NLGN1: variants seen among roughly 807,000 people sequenced by gnomAD.
NLGN1 encodes the protein neuroligin 1, also known as neuroligin-1.
NLGN1 carries 12 observed loss-of-function variants against 65.5 expected under a neutral mutation model. That is an observed-to-expected ratio of 0.18 (90% CI 0.12 to 0.30). The LOEUF (loss-of-function observed/expected upper bound fraction) is 0.30, where lower values mean the gene tolerates loss of function less well. Ranked by LOEUF, NLGN1 falls within the 10% of genes least tolerant of loss-of-function variation. The pLI is 1.00. For missense variants in NLGN1, 750 were observed against 1,007.1 expected (o/e 0.74, Z 3.46); for synonymous variants, 350 against 359.5 (o/e 0.97, Z 0.30).
intron 4 of NLGN1, among the ~76,000 whole-genome samples, chr3:174,060,257 G>A (rs1737102804): frequency 6.6e-6 from 1 of 152,052 alleles, no homozygotes; most frequent in Non-Finnish European, 1.5e-5. Context: ...TTCCCACTAA[G>A]CCTGAACAGA....
chr3:173,867,708 A>C (rs565344292), intron 4 of NLGN1, among the ~76,000 whole-genome samples: 5 of 152,142 alleles, frequency 3.3e-5, no homozygotes, highest in Non-Finnish European at 7.4e-5. Flanking sequence ...TGAAGGGTAC[A>C]TTCCAATTAC....
chr3:173,499,977 T>C (rs1261191859), intron 2 of NLGN1, among the ~76,000 whole-genome samples: 1 of 152,008 alleles, frequency 6.6e-6, no homozygotes, highest in Non-Finnish European at 1.5e-5. Flanking sequence ...TTTCTAGATA[T>C]ACAATCATGT....
At chr3:173,780,268 G>A (rs1043167645) in intron 3 of NLGN1, among the ~76,000 whole-genome samples, 1 of 152,136 alleles carries the variant, frequency 6.6e-6, no homozygotes, top group Non-Finnish European at 1.5e-5. Context: ...TGATGCATAT[G>A]TTTCTCTCTG....
chr3:173,639,867 T>G (rs1757133188), intron 3 of NLGN1, among the ~76,000 whole-genome samples: 1 of 152,130 alleles, frequency 6.6e-6, no homozygotes, highest in Non-Finnish European at 1.5e-5. Flanking sequence ...CTTCCTTCCT[T>G]TCTTTCTTCT....
chr3:173,396,377 T>C (rs583514), upstream of NLGN1: 84,540 of 152,032 alleles, frequency 0.56, 23,666 homozygotes, highest in East Asian at 0.61. Flanking sequence ...TCCCCTCCCG[T>C]TTACAGAAGC....
intron 4 of NLGN1, among the ~76,000 whole-genome samples, chr3:174,075,054 A>G (rs927781221): frequency 6.6e-6 from 1 of 152,158 alleles, no homozygotes; most frequent in African/African-American, 2.4e-5. Context: ...AACAAGCCAA[A>G]CATCTCTTGG....
intron 2 of NLGN1, among the ~76,000 whole-genome samples, chr3:173,595,334 C>T (rs1001560334): frequency 1.3e-5 from 2 of 152,108 alleles, no homozygotes; most frequent in Non-Finnish European, 2.9e-5. Flanking sequence ...CACACATCTC[C>T]AGGGCAGAAG....
exon 3 of NLGN1, chr3:173,604,757 A>G (rs1007429131): frequency 1.9e-6 from 3 of 1,613,792 alleles, no homozygotes; most frequent in African/African-American, 2.7e-5. Flanking sequence ...ATGTGGACCC[A>G]CTGGTGGCTA....
At chr3:174,270,798 G>A (rs1251683660) in intron 4 of NLGN1, among the ~76,000 whole-genome samples, 2 of 151,850 alleles carry the variant, frequency 1.3e-5, no homozygotes, top group African/African-American at 2.4e-5. Context: ...AAGATAAGGA[G>A]AGTTAGCACA....
chr3:173,897,147 G>T (rs1736483409), intron 4 of NLGN1, among the ~76,000 whole-genome samples: 1 of 151,984 alleles, frequency 6.6e-6, no homozygotes, highest in Non-Finnish European at 1.5e-5. Context: ...TCCCATGATT[G>T]TTTACATATG....
intron 4 of NLGN1, among the ~76,000 whole-genome samples, chr3:173,890,334 T>C (rs1735100086): frequency 6.6e-6 from 1 of 152,142 alleles, no homozygotes; most frequent in Non-Finnish European, 1.5e-5. Flanking sequence ...CACACACACT[T>C]GTTTAGTCCC....
intron 4 of NLGN1, among the ~76,000 whole-genome samples, chr3:173,965,050 T>G (rs1456110010): frequency 6.6e-6 from 1 of 152,190 alleles, no homozygotes; most frequent in East Asian, 1.9e-4. Flanking sequence ...GTTTTCCAAA[T>G]TTTGGTTCCC....
Position 174,092,945 on chromosome 3 carries a change from G to A in NLGN1, c.647-182370G>A, listed in dbSNP as rs550750439. ...TCTAAGCCATTATCAAAATGAACTGGATCTGCACCAGGATTTTAGAAAGGA... is the reference window on the plus strand; with the variant it reads ...TCTAAGCCATTATCAAAATGAACTGAATCTGCACCAGGATTTTAGAAAGGA... On this transcript the variant is annotated intron_variant, in intron 4 of 6. Coordinates refer to ENST00000457714, the Ensembl canonical transcript of NLGN1. 1.5e-4 allele frequency among the ~76,000 whole-genome samples: 23 copies of A among 152,180 alleles called. No homozygotes were observed. In the East Asian group the frequency reaches 3.9e-3, roughly 26 times the overall value.
chr3:173,443,935 A>C (rs899796936), intron 2 of NLGN1, among the ~76,000 whole-genome samples: 1 of 152,200 alleles, frequency 6.6e-6, no homozygotes, highest in African/African-American at 2.4e-5. Context: ...GTGAACATGC[A>C]TTCTTGGATA....
Position 173,944,336 on chromosome 3 carries a change from A to G in NLGN1, c.646+136504A>G, listed in dbSNP as rs536848636. The stretch of plus-strand genomic sequence containing the variant: ...GGAGAAAAAAATGCCATATTAAAAA[A>G]GGAGAGAAATTAAATTTCTCTCTGA... On this transcript the variant is annotated intron_variant, in intron 4 of 6. Coordinates refer to ENST00000457714, the Ensembl canonical transcript of NLGN1. Among the ~76,000 whole-genome samples, 5 of 152,324 alleles carry G rather than the reference A, an allele frequency of 3.3e-5. No homozygotes were observed. In the East Asian group the frequency reaches 9.6e-4, roughly 29 times the overall value.
At position 173,708,715 on chromosome 3, in the gene NLGN1, C is replaced by T. The variant is rs148955557; in HGVS notation, c.494-98965C>T. 9.0e-3 allele frequency among the ~76,000 whole-genome samples: 1,369 copies of T among 152,178 alleles called. 13 individuals carry two copies. The highest frequency in any genetic ancestry group is 0.012 in the Non-Finnish European group (785 of 68,004). On this transcript the variant is annotated intron_variant, in intron 3 of 6. Coordinates refer to ENST00000457714, the Ensembl canonical transcript of NLGN1. ...AGAGAGCTATAGTGAGGCTTTCTGA[C>T]GTACAGGACCCAGGGGCCCACCTTG...
intron 4 of NLGN1, among the ~76,000 whole-genome samples, chr3:174,218,315 A>G (rs1738016596): frequency 1.3e-5 from 2 of 151,390 alleles, no homozygotes; most frequent in Admixed American, 1.3e-4. Context: ...TCCCAGTACA[A>G]TTTTTTTTTT....
chr3:174,293,233 G>A, the NLGN1 span, among the ~76,000 whole-genome samples: 3 of 151,412 alleles, frequency 2.0e-5, no homozygotes, highest in South Asian at 6.2e-4. Context: ...TTTTGCAGTG[G>A]CTTGCAAAGT....
At chr3:173,770,800 A>G (rs1202880675) in intron 3 of NLGN1, among the ~76,000 whole-genome samples, 1 of 152,168 alleles carries the variant, frequency 6.6e-6, no homozygotes, top group Non-Finnish European at 1.5e-5. Context: ...AAGATACTGC[A>G]TGTGATTCAA....
Sources: gnomAD v4.1 joint callset for allele counts (sites outside exome capture counted in the v4.1 genomes callset) on GRCh38, gnomAD v4.1.1 for gene constraint, MANE v1.5 for transcripts, NCBI Gene and HGNC (gene_info 2026-07-23, HGNC 2026-07-21) for gene names.